Variants in CPEB3 observed in about 807,000 individuals in gnomAD.
CPEB3 encodes cytoplasmic polyadenylation element binding protein 3.
In CPEB3, 20 loss-of-function variants were observed where a neutral mutation model predicts 67.2. The observed-to-expected ratio is 0.30, with a 90% CI of 0.21 to 0.43. The LOEUF is 0.43. CPEB3 is among the 20% of genes least tolerant of loss of function. CPEB3 has a pLI of 1.00. For missense variants in CPEB3, 746 were observed against 968.6 expected, an observed-to-expected ratio of 0.77 and a Z score of 3.05; for synonymous variants, 376 against 393.1, an observed-to-expected ratio of 0.96 and a Z score of 0.51.
At chr10:92,141,174 A>G (rs1425709984) in intron 6 of CPEB3, among the ~76,000 whole-genome samples, 2 of 136,980 alleles carry the variant, frequency 1.5e-5, no homozygotes, top group African/African-American at 5.5e-5. Flanking sequence ...ATAAAGACAC[A>G]TGCACACGTA....
At chr10:92,289,751 A>ATTATATATTATAAATG (rs1554944342) in intron 1 of CPEB3, among the ~76,000 whole-genome samples, 23 of 119,228 alleles carry the variant, frequency 1.9e-4, no homozygotes, top group African/African-American at 9.0e-4. Flanking sequence ...ATATATATAT[A>ATTATATATTATAAATG]TATATATGTA....
intron 1 of CPEB3, among the ~76,000 whole-genome samples, chr10:92,281,293 C>T (rs1842285993): frequency 6.6e-6 from 1 of 151,608 alleles, no homozygotes; most frequent in East Asian, 2.0e-4. Flanking sequence ...CACAATCTCT[C>T]TATGTTGCCC....
rs1564735357 is a variant in CPEB3 at position 92,047,218 on chromosome 10, TG to T, written c.*4993del. On this transcript the variant is annotated 3_prime_UTR_variant, in exon 10 of 10. Coordinates refer to ENST00000265997, the MANE Select transcript of CPEB3 (RefSeq NM_014912.5). The stretch of plus-strand genomic sequence containing the variant: ...AATTATAAAACACTCTGTGGTAAGA[TG>T]GAACACTATTGCAGCTGAGATAGAG... The T allele has an allele frequency of 6.6e-6, 1 of 151,338 alleles. No homozygotes were observed. Among genetic ancestry groups the T allele is most frequent in the Non-Finnish European group, 1.5e-5 (1 of 67,938 alleles). The allele number at this position is 151,338 out of a possible 1,614,324, so 9.4% of individuals were successfully genotyped here. A position where few individuals can be genotyped will look rare whatever the true frequency, so the allele number is the denominator to read the frequency against.
intron 1 of CPEB3, among the ~76,000 whole-genome samples, chr10:92,289,809 T>C (rs1468605563): frequency 2.9e-5 from 4 of 137,204 alleles, no homozygotes; most frequent in South Asian, 2.2e-4. Flanking sequence ...AAATGTATTA[T>C]ATATTATATA....
intron 4 of CPEB3, among the ~76,000 whole-genome samples, chr10:92,153,367 T>A (rs990976129): frequency 1.3e-5 from 2 of 152,258 alleles, no homozygotes; most frequent in African/African-American, 4.8e-5. Flanking sequence ...GAACTAAATA[T>A]ATGCAGGAGT....
chr10:92,134,115 A>G (rs1442760496), intron 6 of CPEB3, among the ~76,000 whole-genome samples: 3 of 152,150 alleles, frequency 2.0e-5, no homozygotes, highest in South Asian at 4.1e-4. Context: ...ACAAGACAAG[A>G]ATGCCCTCTC....
intron 4 of CPEB3, among the ~76,000 whole-genome samples, chr10:92,179,321 T>C (rs1467110002): frequency 6.6e-6 from 1 of 151,994 alleles, no homozygotes; most frequent in Non-Finnish European, 1.5e-5. Flanking sequence ...AAAAGAAAAA[T>C]GTCTTTTAGC....
At chr10:92,073,339 G>A (rs959672396) in intron 9 of CPEB3, among the ~76,000 whole-genome samples, 3 of 151,636 alleles carry the variant, frequency 2.0e-5, no homozygotes, top group Non-Finnish European at 2.9e-5. Flanking sequence ...GCGCCTGGCC[G>A]TATCTGTGTC....
intron 3 of CPEB3, 47 bp from the exon 4 acceptor site, chr10:92,181,066 A>ATTC: frequency 1.0e-6 from 1 of 977,460 alleles, no homozygotes; most frequent in South Asian, 1.3e-5. Context: ...TAATGTAATC[A>ATTC]TTTCAAACAC....
rs746688989 is a variant in CPEB3, at chr10:92,239,478, C to T, written c.873G>A (p.Pro291=). The change falls in exon 2 of 10, where the codon CCG becomes CCA. Residue 291 remains proline (P), a synonymous_variant. Coordinates refer to ENST00000265997, the MANE Select transcript of CPEB3 (RefSeq NM_014912.5). This position sits in a 1 kb window ranked among gnomAD's most constrained non-coding sequence, Gnocchi z 6.0. ...CGTTGCTGGAGAAGGGCTTTTTGAGCGGCGAGATGGGGTTGAGCGGGGAAG... is the reference window on the plus strand; with the variant it reads ...CGTTGCTGGAGAAGGGCTTTTTGAGTGGCGAGATGGGGTTGAGCGGGGAAG... The part of the protein sequence containing the change: ...GVPSPLNPIS[P]LKKPFSSNVI... The T allele has an allele frequency of 9.4e-6, 15 of 1,591,492 alleles. No homozygotes were observed. The highest frequency in any genetic ancestry group is 1.8e-5 in the Admixed American group (1 of 55,938).
intron 6 of CPEB3, among the ~76,000 whole-genome samples, chr10:92,113,534 C>A (rs1301148996): frequency 6.6e-6 from 1 of 152,192 alleles, no homozygotes; most frequent in African/African-American, 2.4e-5. Flanking sequence ...GAACACCCTG[C>A]AGTCAGAGTA....
At chr10:92,264,338 A>AG (rs994467502) in intron 1 of CPEB3, among the ~76,000 whole-genome samples, 2 of 151,190 alleles carry the variant, frequency 1.3e-5, no homozygotes, top group African/African-American at 4.9e-5. Flanking sequence ...AAAAAAAAAA[A>AG]AAAGAAAAGA....
chr10:92,133,149 G>A (rs1389779883), intron 6 of CPEB3, among the ~76,000 whole-genome samples: 1 of 151,872 alleles, frequency 6.6e-6, no homozygotes, highest in Non-Finnish European at 1.5e-5. Flanking sequence ...CTAGCAGAAG[G>A]CAAGAAATAA....
At chr10:92,237,722 C>T (rs1226748379) in intron 2 of CPEB3, among the ~76,000 whole-genome samples, 1 of 152,132 alleles carries the variant, frequency 6.6e-6, no homozygotes, top group Non-Finnish European at 1.5e-5. Flanking sequence ...GAGGGCCTTT[C>T]CTACCAAATG....
At chr10:92,129,344 G>A (rs536580020) in intron 6 of CPEB3, among the ~76,000 whole-genome samples, 14 of 152,218 alleles carry the variant, frequency 9.2e-5, no homozygotes, top group African/African-American at 2.9e-4. Flanking sequence ...GGGGCCTATC[G>A]GAGGGTGGAG....
intron 1 of CPEB3, among the ~76,000 whole-genome samples, chr10:92,278,597 G>A (rs148264517): frequency 1.4e-5 from 2 of 147,408 alleles, no homozygotes; most frequent in East Asian, 1.9e-4. Context: ...CTCATTGACT[G>A]GTTCTTTTTT....
chr10:92,075,068 G>A (rs1842885619), intron 9 of CPEB3, among the ~76,000 whole-genome samples: 1 of 152,168 alleles, frequency 6.6e-6, no homozygotes, highest in African/African-American at 2.4e-5. Context: ...AGCTCTGTGA[G>A]GAACTCCTAG....
intron 9 of CPEB3, among the ~76,000 whole-genome samples, chr10:92,058,552 A>AATACATACATACATAC (rs58987766): frequency 7.2e-5 from 10 of 138,670 alleles, no homozygotes; most frequent in African/African-American, 2.1e-4. Context: ...CCATCTCAAA[A>AATACATACATACATAC]ATACATACAT....
chr10:92,192,517 T>C lies in CPEB3; in HGVS notation c.1125A>G (p.Pro375=), dbSNP rs1352068299. ...TCCACATTATATCAGCGAAACTCAT[T>C]GGTGGGCCACTGGGAGGGTAGTGTT... The part of the protein sequence containing the change: ...KGKHYPPSGP[P]MSFADIMWRN... Residue 375 remains proline (P), a synonymous_variant, in exon 3 of 10, where the codon CCA becomes CCG. Transcript: ENST00000265997. 3 of 1,613,950 alleles carry C rather than the reference T, an allele frequency of 1.9e-6. No individual in the cohort carries two copies. In the Admixed American group the frequency reaches 5.0e-5, roughly 27 times the overall value.
Sources: gnomAD v4.1 joint callset for allele counts (sites outside exome capture counted in the v4.1 genomes callset) on GRCh38, gnomAD v4.1.1 for gene constraint, Gnocchi (gnomAD v3.1) non-coding constraint, MANE v1.5 for transcripts, NCBI Gene and HGNC (gene_info 2026-07-23, HGNC 2026-07-21) for gene names.